The following BAZ2B variants were observed in gnomAD, a reference collection of about 807,000 sequenced individuals.
The protein encoded by BAZ2B is bromodomain adjacent to zinc finger domain 2B, also known as bromodomain adjacent to zinc finger domain protein 2B.
BAZ2B carries 91 observed loss-of-function variants against 246.0 expected under a neutral mutation model. The observed-to-expected ratio is 0.37, with a 90% CI of 0.31 to 0.44. The LOEUF is 0.44. Ranked by LOEUF, BAZ2B falls within the 20% of genes least tolerant of loss-of-function variation. BAZ2B has a pLI of 1.00. For missense variants in BAZ2B, 2,332 were observed against 2,533.7 expected, an observed-to-expected ratio of 0.92 and a Z score of 1.71; for synonymous variants, 855 against 860.0, an observed-to-expected ratio of 0.99 and a Z score of 0.10.
chr2:159,618,081 G>A (rs1363985287), upstream of BAZ2B, among the ~76,000 whole-genome samples: 1 of 152,168 alleles, frequency 6.6e-6, no homozygotes, highest in Non-Finnish European at 1.5e-5. Context: ...GATTCACATT[G>A]AGCAGCAAAG....
intron 2 of BAZ2B, among the ~76,000 whole-genome samples, chr2:159,551,965 GA>G (rs2088313563): frequency 6.6e-6 from 1 of 152,098 alleles, no homozygotes; most frequent in Non-Finnish European, 1.5e-5. Context: ...TTGGGTCTTA[GA>G]CTAAGAAACT....
intron 3 of BAZ2B, among the ~76,000 whole-genome samples, chr2:159,457,450 T>C (rs191126625): frequency 2.6e-5 from 4 of 152,354 alleles, no homozygotes; most frequent in Admixed American, 6.5e-5. Flanking sequence ...AAGAGGCCTA[T>C]CCATGGGACT....
the BAZ2B span, among the ~76,000 whole-genome samples, chr2:159,708,545 T>TTTTA: frequency 0.049 from 5,342 of 108,830 alleles, 140 homozygotes; most frequent in Non-Finnish European, 0.063. Flanking sequence ...TTTAATAACC[T>TTTTA]TTTATTTATT....
intron 27 of BAZ2B, among the ~76,000 whole-genome samples, chr2:159,363,402 G>A (rs1465256134): frequency 6.6e-6 from 1 of 152,188 alleles, no homozygotes; most frequent in African/African-American, 2.4e-5. Flanking sequence ...TCTTGGTGCA[G>A]AGAATGTTGG....
the BAZ2B span, among the ~76,000 whole-genome samples, chr2:159,635,930 G>T: frequency 6.6e-6 from 1 of 152,100 alleles, no homozygotes; most frequent in African/African-American, 2.4e-5. Flanking sequence ...GGTAGCACAT[G>T]CCTGCAGTCT....
chr2:159,395,910 C>A lies in BAZ2B; in HGVS notation c.3010-76G>T, dbSNP rs2149676422. 1.5e-6 allele frequency: 2 copies of A among 1,339,030 alleles called. No homozygotes were observed. The highest frequency in any genetic ancestry group is 1.4e-5 in the South Asian group (1 of 74,060). 82.9% of individuals were successfully genotyped at this position (1,339,030 alleles called of 1,614,324 possible). On this transcript the variant is annotated intron_variant, in intron 19 of 36. Coordinates refer to ENST00000392783, the MANE Select transcript of BAZ2B (RefSeq NM_013450.4). ...TGATTTTCCAATGAAAAAACAAAAA[C>A]AAAAACAAAACAAAAACTCAGTATA...
chr2:159,688,050 T>C, the BAZ2B span, among the ~76,000 whole-genome samples: 7 of 152,334 alleles, frequency 4.6e-5, no homozygotes, highest in Non-Finnish European at 8.8e-5. Flanking sequence ...TATTTTACTA[T>C]TGTTTTTTAA....
intron 11 of BAZ2B, 48 bp from the exon 12 acceptor site, chr2:159,428,467 G>T: frequency 6.9e-7 from 1 of 1,439,834 alleles, no homozygotes; most frequent in Non-Finnish European, 9.6e-7. Context: ...TTTCAAGAAA[G>T]CTTTTAAAAA....
the BAZ2B span, among the ~76,000 whole-genome samples, chr2:159,679,595 A>G: frequency 9.9e-4 from 151 of 152,334 alleles, no homozygotes; most frequent in African/African-American, 3.5e-3. Context: ...ACCTTTACAC[A>G]GAATGTGATA....
chr2:159,497,329 C>T (rs1269394326), intron 2 of BAZ2B, among the ~76,000 whole-genome samples: 1 of 152,140 alleles, frequency 6.6e-6, no homozygotes, highest in Non-Finnish European at 1.5e-5. Flanking sequence ...TTCCACCCTC[C>T]ACCTCCATCC....
intron 3 of BAZ2B, among the ~76,000 whole-genome samples, chr2:159,465,573 T>TG (rs2076930919): frequency 6.6e-6 from 1 of 152,304 alleles, no homozygotes; most frequent in South Asian, 2.1e-4. Flanking sequence ...AAAATACTTG[T>TG]GATCAAACCT....
chr2:159,667,523 G>A, the BAZ2B span, among the ~76,000 whole-genome samples: 10 of 151,988 alleles, frequency 6.6e-5, no homozygotes, highest in African/African-American at 2.4e-4. Context: ...TTGAACCCAG[G>A]AGGTGGAGGT....
rs949111633 is a variant in BAZ2B, at chr2:159,358,621, A to G, written c.4214-8264T>C. 3.9e-5 allele frequency among the ~76,000 whole-genome samples: 6 copies of G among 152,358 alleles called. No homozygotes were observed. The East Asian group carries it at 5.8e-4, about 15-fold the overall frequency. ...TCTGGACCAAGAGGACCTAATAGAC[A>G]TCTACAGAACTCTCCACCCCAAATC... On this transcript the variant is annotated intron_variant, in intron 27 of 36. Coordinates refer to ENST00000392783, the MANE Select transcript of BAZ2B (RefSeq NM_013450.4).
chr2:159,688,482 A>G, the BAZ2B span, among the ~76,000 whole-genome samples: 1 of 152,188 alleles, frequency 6.6e-6, no homozygotes, highest in Non-Finnish European at 1.5e-5. Flanking sequence ...TTAATATTTC[A>G]ATGTATATTT....
the BAZ2B span, among the ~76,000 whole-genome samples, chr2:159,702,873 T>C: frequency 3.3e-5 from 5 of 151,750 alleles, no homozygotes; most frequent in African/African-American, 1.2e-4. Context: ...ACCCAGTCTC[T>C]ACTAAAAATA....
At chr2:159,523,645 A>G (rs932335105) in intron 2 of BAZ2B, among the ~76,000 whole-genome samples, 1 of 151,652 alleles carries the variant, frequency 6.6e-6, no homozygotes, top group East Asian at 1.9e-4. Context: ...CAGAGGTTGC[A>G]GTGAACTGTG....
chr2:159,594,368 C>A (rs1467750488), intron 1 of BAZ2B, among the ~76,000 whole-genome samples: 1 of 152,102 alleles, frequency 6.6e-6, no homozygotes, highest in Non-Finnish European at 1.5e-5. Context: ...GATCGCGCCA[C>A]CGCGCTCCAG....
chr2:159,679,158 G>A, the BAZ2B span, among the ~76,000 whole-genome samples: 2 of 150,886 alleles, frequency 1.3e-5, no homozygotes, highest in African/African-American at 4.9e-5. Flanking sequence ...TGTAGTCCCA[G>A]CTACTTGGGA....
intron 30 of BAZ2B, 47 bp downstream of exon 30, chr2:159,348,631 T>C (rs2058233487): frequency 3.9e-6 from 6 of 1,545,840 alleles, no homozygotes; most frequent in Non-Finnish European, 5.2e-6. Flanking sequence ...TAATTAATTC[T>C]CATAACTAAG....
Sources: allele counts gnomAD v4.1 joint callset (sites outside exome capture counted in the v4.1 genomes callset), GRCh38; gene constraint gnomAD v4.1.1; transcripts MANE v1.5; gene names NCBI Gene and HGNC (gene_info 2026-07-23, HGNC 2026-07-21).